The following SPEG variants were observed in gnomAD, a reference collection of about 807,000 sequenced individuals.
SPEG encodes striated muscle preferentially expressed protein kinase.
SPEG carries 114 observed loss-of-function variants against 300.4 expected under a neutral mutation model. The ratio of observed to expected loss-of-function variants is 0.38; its 90% CI spans 0.33 to 0.44. The LOEUF (loss-of-function observed/expected upper bound fraction) is 0.44. Among genes scored for constraint, SPEG ranks in the 20% least tolerant of loss-of-function variants. The probability of loss-of-function intolerance (pLI) is 1.00; values close to 1 mark genes in which losing one functional copy is unlikely to be tolerated. For synonymous variants in SPEG, 1,964 were observed against 2,018.9 expected (o/e 0.97, Z 0.73); for missense variants, 4,201 against 4,586.2 (o/e 0.92, Z 2.43).
rs1266452748 is a variant in SPEG at position 219,490,282 on chromosome 2, T to C, written c.8922-127T>C. On this transcript the variant is annotated intron_variant, in intron 36 of 40. Coordinates refer to ENST00000312358, the MANE Select transcript of SPEG (RefSeq NM_005876.5). ...AACCCTGGTTTCTAGGATTGAACTC[T>C]GGAGCCCACACTGGAACCACTGCAT... 3.0e-6 allele frequency: 4 copies of C among 1,341,868 alleles called. No homozygotes were observed. In the African/African-American group the frequency reaches 5.8e-5, roughly 19 times the overall value. The allele number at this position is 1,341,868 out of a possible 1,614,324, so 83.1% of individuals were successfully genotyped here.
rs533728892 is a variant in SPEG at position 219,484,316 on chromosome 2, C to G, written c.6853C>G (p.Pro2285Ala). The G allele has an allele frequency of 7.2e-5, 115 of 1,604,510 alleles. No individual in the cohort carries two copies. Among genetic ancestry groups the G allele is most frequent in the Non-Finnish European group, 9.2e-5 (109 of 1,178,698 alleles). The change falls in exon 30 of 41, where the codon CCA becomes GCA. Residue 2285 changes from proline to alanine, a missense_variant. By Grantham distance (27) the Pro-to-Ala change is conservative (BLOSUM62 -1). Around this residue, in one of 4 missense-constraint regions of SPEG, gnomAD observed 1,578 missense variants for 1,506.0 expected, o/e 1.05. Coordinates refer to ENST00000312358, the MANE Select transcript of SPEG (RefSeq NM_005876.5). ...TGCTGTCTTTGCCAGGGTGGCCTCC[C>G]CACCTCCGGGAGCCCCCGAGAAGCG... ...HAAVFARVAS[P>A]PPGAPEKRVP...
rs372228072 is a variant in SPEG at position 219,487,102 on chromosome 2, C to T, written c.7742-1092C>T. On this transcript the variant is annotated intron_variant, in intron 31 of 40. Transcript: ENST00000312358. ...TGAATAAAATCCACCCCCAAGTCCT[C>T]CCCTATCCCCACCCTTCACCCACCA... Among the ~76,000 whole-genome samples, 21 of 152,196 alleles carry T rather than the reference C, an allele frequency of 1.4e-4. 1 individual carries two copies. In the South Asian group the frequency reaches 4.4e-3, roughly 32 times the overall value.
At position 219,489,953 on chromosome 2, in the gene SPEG, G is replaced by A. The variant is rs748810053; in HGVS notation, c.8921+14G>A. The stretch of plus-strand genomic sequence containing the variant: ...GGAGAAAGCCAGGCAAGCAGGGCTG[G>A]GGAAGGGAAGAGGACAGAGGGGAGT... On this transcript the variant is annotated intron_variant, in intron 36 of 40. Coordinates refer to ENST00000312358, the MANE Select transcript of SPEG (RefSeq NM_005876.5). 5 of 1,551,626 alleles carry A rather than the reference G, an allele frequency of 3.2e-6. No individual in the cohort carries two copies. In the African/African-American group the frequency reaches 6.8e-5, roughly 21 times the overall value.
At chr2:219,488,158 C>A in intron 31 of SPEG, 36 bp from the exon 32 acceptor site, 1 of 1,459,700 alleles carries the variant, frequency 6.9e-7, no homozygotes, top group Non-Finnish European at 9.6e-7. Flanking sequence ...GGCCAGGGTC[C>A]CTACAGATAG....
chr2:219,442,004 G>C, intron 1 of SPEG: 1 of 439,392 alleles, frequency 2.3e-6, no homozygotes, highest in Non-Finnish European at 3.5e-6. Flanking sequence ...CCCCGCCCCC[G>C]CCCGTCCCCT....
In SPEG at chr2:219,493,535, A is replaced by C. The variant is rs933100136; in HGVS notation, c.*749A>C. The C allele has an allele frequency of 1.5e-5, 7 of 459,336 alleles. No homozygotes were observed. The highest frequency in any genetic ancestry group is 3.1e-5 in the Non-Finnish European group (7 of 227,982). 28.5% of individuals were successfully genotyped at this position (459,336 alleles called of 1,614,324 possible). ...TGACTTTTATGAAGTTTCCCCTTCC[A>C]TCCGATCCCTACTGCCCATGTTGTC... On this transcript the variant is annotated 3_prime_UTR_variant, in exon 41 of 41. Coordinates refer to ENST00000312358, the MANE Select transcript of SPEG (RefSeq NM_005876.5).
At chr2:219,476,690 AG>A (rs1178012544) in intron 18 of SPEG, among the ~76,000 whole-genome samples, 179 bp from the exon 19 acceptor site, 2 of 78,138 alleles carry the variant, frequency 2.6e-5, no homozygotes, top group African/African-American at 1.0e-4. Context: ...GGCTTGGTCC[AG>A]GCAGGGAACT....
rs1461044920 is a variant in SPEG, at chr2:219,435,178, C to A, written c.201C>A (p.Ser67Arg). The change falls in exon 1 of 41, where the codon AGC becomes AGA. Residue 67 changes from serine (S) to arginine (R), a missense_variant. Around this residue, in one of 4 missense-constraint regions of SPEG, gnomAD observed 1,258 missense variants for 1,293.9 expected, o/e 0.97. Coordinates refer to ENST00000312358, the MANE Select transcript of SPEG (RefSeq NM_005876.5). ...GSDVRLRVVV[S>R]GTPQPSLRWF... ...ACGTGCGGCTGCGGGTGGTGGTGAG[C>A]GGGACGCCCCAGCCCAGCCTCCGCT... The A allele has an allele frequency of 6.8e-7, 1 of 1,477,492 alleles. No individual in the cohort carries two copies. Among genetic ancestry groups the A allele is most frequent in the South Asian group, 1.3e-5 (1 of 76,862 alleles). 91.5% of individuals were successfully genotyped at this position (1,477,492 alleles called of 1,614,324 possible).
rs1329379331 is a variant in SPEG at position 219,448,920 on chromosome 2, CAGG to C, written c.1766_1768del (p.Glu589del). On this transcript the variant is annotated inframe_deletion, in exon 4 of 41. Transcript: ENST00000312358. Reference sequence around the variant, plus strand: ...GACAGAGCCGGGGGAAGGCCCGCAGCAGGAGGTTAGGCGTCGGGACCAATTCCC... The same window carrying C: ...GACAGAGCCGGGGGAAGGCCCGCAGCAGGTTAGGCGTCGGGACCAATTCCC... 10 of 1,478,194 alleles carry C rather than the reference CAGG, an allele frequency of 6.8e-6. No individual in the cohort carries two copies. Among genetic ancestry groups the C allele is most frequent in the Middle Eastern group, 1.9e-4 (1 of 5,388 alleles). The allele number at this position is 1,478,194 out of a possible 1,614,324, so 91.6% of individuals were successfully genotyped here.
intron 31 of SPEG, among the ~76,000 whole-genome samples, chr2:219,487,292 C>T (rs543469389): frequency 3.3e-5 from 5 of 152,338 alleles, no homozygotes; most frequent in Non-Finnish European, 7.4e-5. Flanking sequence ...GTGAAGGCAG[C>T]TTCTCTGCTT....
At position 219,480,378 on chromosome 2, in the gene SPEG, G is replaced by T. The variant is rs1197534999; in HGVS notation, c.5342+238G>T. ...TGACTCCTTGTCTCCCCTGGAAGCC[G>T]GGCCTTCCCCTCAGCATTCAGCCTG... On this transcript the variant is annotated intron_variant, in intron 25 of 40. Coordinates refer to ENST00000312358, the MANE Select transcript of SPEG (RefSeq NM_005876.5). The surrounding 1 kb of genome is among the most constrained non-coding windows in gnomAD (Gnocchi z 5.3). Among the ~76,000 whole-genome samples, 1 of 152,114 alleles carries T rather than the reference G, an allele frequency of 6.6e-6. No homozygotes were observed. Among genetic ancestry groups the T allele is most frequent in the African/African-American group, 2.4e-5 (1 of 41,426 alleles).
chr2:219,467,077 C>CTG, intron 9 of SPEG, 97 bp from the exon 10 acceptor site: 4 of 1,391,540 alleles, frequency 2.9e-6, no homozygotes, highest in Non-Finnish European at 3.9e-6. Context: ...ATCTCTCTCT[C>CTG]TGTGTCTGTC....
chr2:219,483,122 C>T lies in SPEG; in HGVS notation c.5659C>T (p.His1887Tyr). 6.2e-7 allele frequency: 1 copy of T among 1,608,184 alleles called. No individual in the cohort carries two copies. Among genetic ancestry groups the T allele is most frequent in the Non-Finnish European group, 8.5e-7 (1 of 1,179,410 alleles). ...GCGCTCCCAGATCAGCTACAAATGC[C>T]ACCTGGTGCTGCGCCCCATCCCCGA... The part of the protein sequence containing the change: ...WQRSQISYKC[H>Y]LVLRPIPELL... Residue 1887 changes from histidine to tyrosine, a missense_variant, in exon 30 of 41, where the codon CAC (histidine) becomes TAC (tyrosine). Around this residue, in one of 4 missense-constraint regions of SPEG, gnomAD observed 1,578 missense variants for 1,506.0 expected, o/e 1.05. Transcript: ENST00000312358.
intron 6 of SPEG, chr2:219,460,889 C>T (rs958490580): frequency 3.0e-6 from 3 of 986,106 alleles, no homozygotes; most frequent in African/African-American, 1.7e-5. Context: ...CTCCTGCTCC[C>T]TGGGGAGCCA....
rs908361924 is a variant in SPEG, at chr2:219,484,928, G to A, written c.7465G>A (p.Gly2489Arg). ...GTCGGGCCGCAGCACGCCGCTGTTC[G>A]GACGGCTTCGCAGGGCCACGTCCGA... The part of the protein sequence containing the change: ...GASGRSTPLF[G>R]RLRRATSEGE... Residue 2489 changes from glycine (G) to arginine (R), a missense_variant, in exon 30 of 41, where the codon GGA (glycine) becomes AGA (arginine). Physicochemically the swap from Gly to Arg is moderately radical, Grantham distance 125. This residue lies in a region of SPEG where 1,578 missense variants were observed against 1,506.0 expected (regional missense o/e 1.05). Transcript: ENST00000312358. 1.1e-4 allele frequency: 162 copies of A among 1,528,772 alleles called. No homozygotes were observed. The highest frequency in any genetic ancestry group is 1.3e-4 in the Non-Finnish European group (152 of 1,144,448). The allele number at this position is 1,528,772 out of a possible 1,614,324, so 94.7% of individuals were successfully genotyped here.
chr2:219,459,155 G>C lies in SPEG; in HGVS notation c.2441-2727G>C, dbSNP rs1169270963. Among the ~76,000 whole-genome samples the C allele has an allele frequency of 6.6e-6, 1 of 152,244 alleles. No homozygotes were observed. Among genetic ancestry groups the C allele is most frequent in the Non-Finnish European group, 1.5e-5 (1 of 68,044 alleles). ...ACATGAGCATGGGGTCAGCGTGGGG[G>C]ATTGGGAGCCAGTGTGAAGGGGCGG... On this transcript the variant is annotated intron_variant, in intron 6 of 40. Transcript: ENST00000312358. The surrounding 1 kb of genome is among the most constrained non-coding windows in gnomAD (Gnocchi z 4.9).
Position 219,492,792 on chromosome 2 carries a change from C to A in SPEG, c.*6C>A. On this transcript the variant is annotated 3_prime_UTR_variant, in exon 41 of 41. Coordinates refer to ENST00000312358, the MANE Select transcript of SPEG (RefSeq NM_005876.5). The stretch of plus-strand genomic sequence containing the variant: ...CCTACCCTGGCGGCCCCTAGAGGCA[C>A]GGACCACAGCCAGGCCTCGGGCTTC... 7.6e-6 allele frequency: 12 copies of A among 1,577,632 alleles called. No individual in the cohort carries two copies. The highest frequency in any genetic ancestry group is 1.0e-5 in the Non-Finnish European group (12 of 1,167,914).
intron 1 of SPEG, among the ~76,000 whole-genome samples, chr2:219,438,079 GA>G (rs1292883997): frequency 6.6e-6 from 1 of 152,110 alleles, no homozygotes; most frequent in Non-Finnish European, 1.5e-5. Flanking sequence ...TTGGGGTCAT[GA>G]GAAGGCAAGT....
rs960521500 is a variant in SPEG at position 219,443,492 on chromosome 2, C to A, written c.389-1161C>A. On this transcript the variant is annotated intron_variant, in intron 1 of 40. Coordinates refer to ENST00000312358, the MANE Select transcript of SPEG (RefSeq NM_005876.5). The surrounding 1 kb of genome is among the most constrained non-coding windows in gnomAD (Gnocchi z 4.6). ...GCCAGAGGGAAACTGAGGCACAGAA[C>A]CTGCTAGAATCTGGGAAAGTTGAAA... 5.1e-6 allele frequency: 2 copies of A among 391,036 alleles called. No homozygotes were observed. The highest frequency in any genetic ancestry group is 9.4e-6 in the Non-Finnish European group (2 of 212,176). 24.2% of individuals were successfully genotyped at this position (391,036 alleles called of 1,614,324 possible). A position where few individuals can be genotyped will look rare whatever the true frequency, so the allele number is the denominator to read the frequency against.
Sources: allele counts gnomAD v4.1 joint callset (sites outside exome capture counted in the v4.1 genomes callset), GRCh38; gene constraint gnomAD v4.1.1; regional missense constraint gnomAD v4.1.1; non-coding constraint Gnocchi (gnomAD v3.1); transcripts MANE v1.5; gene names NCBI Gene and HGNC (gene_info 2026-07-23, HGNC 2026-07-21).